Variants in EIF4EBP1 observed in about 807,000 individuals in gnomAD.
EIF4EBP1 encodes eukaryotic translation initiation factor 4E binding protein 1, also known as eukaryotic translation initiation factor 4E-binding protein 1.
In EIF4EBP1, 5 loss-of-function variants were observed where a neutral mutation model predicts 9.2. The ratio of observed to expected loss-of-function variants is 0.54; its 90% CI spans 0.28 to 1.14. The LOEUF (loss-of-function observed/expected upper bound fraction) is 1.14. EIF4EBP1 is among the 50% of genes most tolerant of loss of function. The pLI, the probability that EIF4EBP1 is intolerant of heterozygous loss-of-function variation, is 0.09. For synonymous variants in EIF4EBP1, 62 were observed against 67.0 expected (o/e 0.93, Z 0.36); for missense variants, 139 against 169.6 (o/e 0.82, Z 1.00).
intron 1 of EIF4EBP1, among the ~76,000 whole-genome samples, chr8:38,046,279 C>CA (rs1809448488): frequency 6.6e-6 from 1 of 152,120 alleles, no homozygotes; most frequent in South Asian, 2.1e-4. Context: ...TGAACCCCCC[C>CA]ATTGCTTTAT....
intron 1 of EIF4EBP1, among the ~76,000 whole-genome samples, chr8:38,050,192 G>A (rs923127248): frequency 9.9e-5 from 15 of 152,144 alleles, no homozygotes; most frequent in East Asian, 1.9e-4. Flanking sequence ...GGTTGTATAC[G>A]TGAACCACTG....
chr8:38,033,700 T>C (rs913241084), intron 1 of EIF4EBP1, among the ~76,000 whole-genome samples: 2 of 151,640 alleles, frequency 1.3e-5, no homozygotes, highest in African/African-American at 4.8e-5. Context: ...GAAGCAGCAG[T>C]TGGGTTGCAC....
chr8:38,051,676 G>A (rs1261088397), intron 1 of EIF4EBP1, among the ~76,000 whole-genome samples: 1 of 151,928 alleles, frequency 6.6e-6, no homozygotes, highest in African/African-American at 2.4e-5. Flanking sequence ...TCGGCTCACT[G>A]CAACCCCCGC....
intron 1 of EIF4EBP1, among the ~76,000 whole-genome samples, chr8:38,049,356 T>C (rs1460724439): frequency 6.6e-6 from 1 of 152,098 alleles, no homozygotes; most frequent in Non-Finnish European, 1.5e-5. Flanking sequence ...ATTTTCTCTT[T>C]ATCGCCAGTA....
Position 38,044,587 on chromosome 8 carries a change from C to T in EIF4EBP1, c.146-12494C>T, listed in dbSNP as rs6605632. Among the ~76,000 whole-genome samples, 635 of 152,260 alleles carry T rather than the reference C, an allele frequency of 4.2e-3. 1 individual carries two copies. Among genetic ancestry groups the T allele is most frequent in the African/African-American group, 6.5e-3 (269 of 41,542 alleles). On this transcript the variant is annotated intron_variant, in intron 1 of 2. Coordinates refer to ENST00000338825, the MANE Select transcript of EIF4EBP1 (RefSeq NM_004095.4). ...TGGAGTAGCTGGGATCATAGGCGCA[C>T]GCCATCATGCCAGGCTACTTTTTAA...
intron 1 of EIF4EBP1, among the ~76,000 whole-genome samples, chr8:38,038,659 C>T (rs1443354959): frequency 2.6e-5 from 4 of 151,870 alleles, no homozygotes; most frequent in Non-Finnish European, 4.4e-5. Context: ...TGCGCCACCA[C>T]GCCCAGCCTA....
At position 38,030,668 on chromosome 8, in the gene EIF4EBP1, G is replaced by T; in HGVS notation, c.95G>T (p.Gly32Val). ...GGCGACGGCGTGCAGCTCCCGCCCG[G>T]GGACTACAGCACGACCCCCGGCGGC... ...VLGDGVQLPP[G>V]DYSTTPGGTL... The change falls in exon 1 of 3, where the codon GGG becomes GTG. Residue 32 changes from glycine (G) to valine (V), a missense_variant. Gly to Val is a moderately radical substitution (Grantham distance 109). Transcript: ENST00000338825. The T allele has an allele frequency of 6.7e-7, 1 of 1,500,910 alleles. No individual in the cohort carries two copies. Among genetic ancestry groups the T allele is most frequent in the Non-Finnish European group, 8.8e-7 (1 of 1,131,118 alleles). The allele number at this position is 1,500,910 out of a possible 1,614,324, so 93.0% of individuals were successfully genotyped here. A position where few individuals can be genotyped will look rare whatever the true frequency, so the allele number is the denominator to read the frequency against.
At chr8:38,059,765 AAAC>A in intron 2 of EIF4EBP1, 136 bp from the exon 3 acceptor site, 1 of 874,532 alleles carries the variant, frequency 1.1e-6, no homozygotes, top group East Asian at 2.7e-5. Flanking sequence ...CAAAAAAAAA[AAAC>A]AAAAAAACAA....
chr8:38,031,158 C>G (rs921779727), intron 1 of EIF4EBP1, among the ~76,000 whole-genome samples: 4 of 152,092 alleles, frequency 2.6e-5, no homozygotes, highest in Non-Finnish European at 4.4e-5. Flanking sequence ...CTTTTTCCTT[C>G]CCGAAGCACG....
At chr8:38,057,287 T>G in intron 2 of EIF4EBP1, 27 bp downstream of exon 2, 1 of 1,500,058 alleles carries the variant, frequency 6.7e-7, no homozygotes, top group African/African-American at 1.5e-5. Flanking sequence ...GGCCAGGCTC[T>G]ACCTTGGGAA....
At chr8:38,030,861 C>T (rs1317723134) in intron 1 of EIF4EBP1, 143 bp downstream of exon 1, 7 of 1,251,180 alleles carry the variant, frequency 5.6e-6, no homozygotes, top group African/African-American at 1.6e-5. Flanking sequence ...CAGCGAGGGT[C>T]ATGGAAGTGG....
Position 38,050,022 on chromosome 8 carries a change from G to A in EIF4EBP1, c.146-7059G>A, listed in dbSNP as rs140238188. On this transcript the variant is annotated intron_variant, in intron 1 of 2. Coordinates refer to ENST00000338825, the MANE Select transcript of EIF4EBP1 (RefSeq NM_004095.4). ...CGCCTCCTGGGTTCAAGCGGTTCTC[G>A]TGCCTCAGCCTCCTGAATAGCTGGA... Among the ~76,000 whole-genome samples, 932 of 150,886 alleles carry A rather than the reference G, an allele frequency of 6.2e-3. 8 individuals carry two copies. Among genetic ancestry groups the A allele is most frequent in the African/African-American group, 0.014 (593 of 41,134 alleles).
chr8:38,036,707 C>T (rs1279215680), intron 1 of EIF4EBP1, among the ~76,000 whole-genome samples: 1 of 151,152 alleles, frequency 6.6e-6, no homozygotes, highest in South Asian at 2.1e-4. Flanking sequence ...CACTTTGTCA[C>T]CCAGGCTGGA....
At chr8:38,050,494 C>T (rs1030274058) in intron 1 of EIF4EBP1, among the ~76,000 whole-genome samples, 33 of 152,140 alleles carry the variant, frequency 2.2e-4, no homozygotes, top group Middle Eastern at 3.4e-3. Flanking sequence ...GAACTACAGA[C>T]GTGTGCCACC....
At chr8:38,032,705 C>G (rs1159919745) in intron 1 of EIF4EBP1, among the ~76,000 whole-genome samples, 4 of 152,086 alleles carry the variant, frequency 2.6e-5, no homozygotes, top group Non-Finnish European at 4.4e-5. Context: ...CTAGCAGTGC[C>G]AGGAGCCTAA....
At position 38,030,566 on chromosome 8, in the gene EIF4EBP1, A is replaced by T. The variant is rs1357970392; in HGVS notation, c.-8A>T. 1 of 1,513,068 alleles carries T rather than the reference A, an allele frequency of 6.6e-7. No homozygotes were observed. The highest frequency in any genetic ancestry group is 2.0e-5 in the Admixed American group (1 of 49,094). The allele number at this position is 1,513,068 out of a possible 1,614,324, so 93.7% of individuals were successfully genotyped here. A position where few individuals can be genotyped will look rare whatever the true frequency, so the allele number is the denominator to read the frequency against. On this transcript the variant is annotated 5_prime_UTR_variant, in exon 1 of 3. Coordinates refer to ENST00000338825, the MANE Select transcript of EIF4EBP1 (RefSeq NM_004095.4). ...CGAGAGGTTCGCGGGTGCAGCGCAC[A>T]GGAGACCATGTCCGGGGGCAGCAGC...
chr8:38,043,373 T>C (rs956804507), intron 1 of EIF4EBP1, among the ~76,000 whole-genome samples: 6 of 150,978 alleles, frequency 4.0e-5, no homozygotes, highest in Non-Finnish European at 7.4e-5. Context: ...TTTTCTTTTT[T>C]TTTTTTTTTG....
At chr8:38,058,095 A>G (rs1323284834) in intron 2 of EIF4EBP1, among the ~76,000 whole-genome samples, 1 of 152,198 alleles carries the variant, frequency 6.6e-6, no homozygotes, top group Non-Finnish European at 1.5e-5. Flanking sequence ...GGCCTGCAGG[A>G]CATGATTCAT....
At chr8:38,040,311 C>T (rs947493374) in intron 1 of EIF4EBP1, among the ~76,000 whole-genome samples, 1 of 152,156 alleles carries the variant, frequency 6.6e-6, no homozygotes, top group Non-Finnish European at 1.5e-5. Context: ...TGCTCACTGA[C>T]ATTTGGGTAT....
Sources: allele counts gnomAD v4.1 joint callset (sites outside exome capture counted in the v4.1 genomes callset), GRCh38; gene constraint gnomAD v4.1.1; transcripts MANE v1.5; gene names NCBI Gene and HGNC (gene_info 2026-07-23, HGNC 2026-07-21).